The following PIK3AP1 variants were observed in gnomAD, a reference collection of about 807,000 sequenced individuals.
The protein encoded by PIK3AP1 is phosphoinositide 3-kinase adapter protein 1.
A neutral mutation model predicts 88.1 loss-of-function variants in PIK3AP1; 21 were observed. The ratio of observed to expected loss-of-function variants is 0.24; its 90% CI spans 0.17 to 0.34. PIK3AP1 has a LOEUF of 0.34. Ranked by LOEUF, PIK3AP1 falls within the 10% of genes least tolerant of loss-of-function variation. The pLI, the probability that PIK3AP1 is intolerant of heterozygous loss-of-function variation, is 1.00. For missense variants in PIK3AP1, 828 were observed against 1,035.7 expected, an observed-to-expected ratio of 0.80 and a Z score of 2.75; for synonymous variants, 398 against 400.0, an observed-to-expected ratio of 1.00 and a Z score of 0.06.
intron 8 of PIK3AP1, among the ~76,000 whole-genome samples, chr10:96,630,833 C>T (rs2134212457): frequency 6.6e-6 from 1 of 152,116 alleles, no homozygotes; most frequent in South Asian, 2.1e-4. Flanking sequence ...CACAGTGAAA[C>T]CCTGTCTCAA....
At position 96,645,461 on chromosome 10, in the gene PIK3AP1, T is replaced by C. The variant is rs760392936; in HGVS notation, c.1375+12A>G. ...CAGAAAGGTGGAAGCAGAACTGGGTTGTGCTACTTACAGAGGTCTTCAGTG... is the reference window on the plus strand; with the variant it reads ...CAGAAAGGTGGAAGCAGAACTGGGTCGTGCTACTTACAGAGGTCTTCAGTG... On this transcript the variant is annotated intron_variant, in intron 8 of 16. Coordinates refer to ENST00000339364, the MANE Select transcript of PIK3AP1 (RefSeq NM_152309.3). 1 of 1,610,972 alleles carries C rather than the reference T, an allele frequency of 6.2e-7. No individual in the cohort carries two copies. Among genetic ancestry groups the C allele is most frequent in the South Asian group, 1.1e-5 (1 of 90,612 alleles).
At chr10:96,663,892 C>T (rs1030209558) in intron 2 of PIK3AP1, among the ~76,000 whole-genome samples, 3 of 152,130 alleles carry the variant, frequency 2.0e-5, no homozygotes, top group Non-Finnish European at 4.4e-5. Context: ...GCTATTTTAG[C>T]TTTTCAAATT....
chr10:96,630,382 A>G (rs1013577049), intron 8 of PIK3AP1, among the ~76,000 whole-genome samples: 17 of 152,210 alleles, frequency 1.1e-4, no homozygotes, highest in African/African-American at 3.6e-4. Flanking sequence ...CTAATCCTGA[A>G]GCATACCTAG....
chr10:96,692,250 G>A (rs1361256375), intron 2 of PIK3AP1, among the ~76,000 whole-genome samples: 2 of 152,172 alleles, frequency 1.3e-5, no homozygotes, highest in African/African-American at 4.8e-5. Context: ...TTTCAATACA[G>A]CTGTTTTAAA....
rs912085987 is a variant in PIK3AP1 at position 96,691,666 on chromosome 10, A to G, written c.430+17901T>C. On this transcript the variant is annotated intron_variant, in intron 2 of 16. Coordinates refer to ENST00000339364, the MANE Select transcript of PIK3AP1 (RefSeq NM_152309.3). ...AATTTCCCAACTGGTCTACCAATAG[A>G]ATGAATTACAGACGTGCCAGGATAT... Among the ~76,000 whole-genome samples, 10 of 152,286 alleles carry G rather than the reference A, an allele frequency of 6.6e-5. No homozygotes were observed. The South Asian group carries it at 8.3e-4, about 13-fold the overall frequency.
Position 96,633,939 on chromosome 10 carries a change from T to C in PIK3AP1, c.1376-5446A>G, listed in dbSNP as rs549624154. Among the ~76,000 whole-genome samples the C allele has an allele frequency of 3.3e-5, 5 of 152,326 alleles. 1 individual carries two copies. The highest frequency in any genetic ancestry group is 1.2e-4 in the African/African-American group (5 of 41,582). ...CTAGCCAGGTGCATTTTCTTTATCA[T>C]GGCTTCTGGACACTAAGTACTGGCT... On this transcript the variant is annotated intron_variant, in intron 8 of 16. Coordinates refer to ENST00000339364, the MANE Select transcript of PIK3AP1 (RefSeq NM_152309.3).
Position 96,623,488 on chromosome 10 carries a change from T to C in PIK3AP1, c.1719A>G (p.Ser573=). 6.2e-7 allele frequency: 1 copy of C among 1,612,074 alleles called. No individual in the cohort carries two copies. Among genetic ancestry groups the C allele is most frequent in the East Asian group, 2.2e-5 (1 of 44,868 alleles). Residue 573 remains serine, a synonymous_variant, in exon 11 of 17, where the codon TCA becomes TCG. Coordinates refer to ENST00000339364, the MANE Select transcript of PIK3AP1 (RefSeq NM_152309.3). The part of the protein sequence containing the change: ...QERPGNFYVS[S]ESIRKGPPVR... ...ATGGCTTACCTTTCCTGATGCTCTC[T>C]GAGGAAACGTAGAAATTCCCAGGCC...
intron 16 of PIK3AP1, 85 bp from the exon 17 acceptor site, chr10:96,595,719 T>C: frequency 7.5e-7 from 1 of 1,337,998 alleles, no homozygotes; most frequent in South Asian, 1.2e-5. Context: ...GCAAACTTGG[T>C]ATACTATGCA....
chr10:96,607,589 A>G (rs1234667805), intron 14 of PIK3AP1, among the ~76,000 whole-genome samples: 1 of 152,156 alleles, frequency 6.6e-6, no homozygotes, highest in Non-Finnish European at 1.5e-5. Flanking sequence ...GCTTTGGCCA[A>G]TATGGCATTA....
intron 14 of PIK3AP1, among the ~76,000 whole-genome samples, chr10:96,609,410 A>G (rs1564953105): frequency 2.0e-5 from 3 of 152,262 alleles, no homozygotes; most frequent in Non-Finnish European, 2.9e-5. Context: ...TGAGAATTAA[A>G]TTAGATAATC....
At chr10:96,636,115 G>A (rs1004618873) in intron 8 of PIK3AP1, among the ~76,000 whole-genome samples, 1 of 152,074 alleles carries the variant, frequency 6.6e-6, no homozygotes, top group African/African-American at 2.4e-5. Context: ...GCTAAAGAGA[G>A]GATAGGCAGG....
In PIK3AP1 at chr10:96,709,946, G is replaced by A. The variant is rs777981996; in HGVS notation, c.51C>T (p.Ser17=). ...ACTGGCACCATTCCTCGGCATCCGG[G>A]CTGTAGACGATGAGGATGTCGCATC... ...PRGCDILIVY[S]PDAEEWCQYL... is the part of the protein sequence containing the mutation. Residue 17 remains serine, a synonymous_variant, in exon 2 of 17, where the codon AGC becomes AGT. Transcript: ENST00000339364. The A allele has an allele frequency of 1.9e-6, 3 of 1,601,664 alleles. No homozygotes were observed. The South Asian group carries it at 3.3e-5, about 18-fold the overall frequency.
Position 96,645,556 on chromosome 10 carries a change from A to T in PIK3AP1, c.1292T>A (p.Met431Lys). 6.2e-7 allele frequency: 1 copy of T among 1,614,034 alleles called. No individual in the cohort carries two copies. Among genetic ancestry groups the T allele is most frequent in the Non-Finnish European group, 8.5e-7 (1 of 1,179,980 alleles). ...SMAHLSTDLL[M>K]KCSLNPGCDE... Reference sequence around the variant, plus strand: ...ACAGCCGGGGTTGAGCGAGCATTTCATAAGCAGGTCTGTGGAAAGGTGGGC... The same window carrying T: ...ACAGCCGGGGTTGAGCGAGCATTTCTTAAGCAGGTCTGTGGAAAGGTGGGC... Residue 431 changes from methionine (M) to lysine (K), a missense_variant, in exon 8 of 17, where the codon ATG (methionine) becomes AAG (lysine). This residue lies in a region of PIK3AP1 where 610 missense variants were observed against 760.1 expected (regional missense o/e 0.80). Coordinates refer to ENST00000339364, the MANE Select transcript of PIK3AP1 (RefSeq NM_152309.3).
intron 16 of PIK3AP1, among the ~76,000 whole-genome samples, chr10:96,601,738 T>G (rs900995585): frequency 6.6e-6 from 1 of 152,206 alleles, no homozygotes; most frequent in African/African-American, 2.4e-5. Flanking sequence ...TAAAAACAAT[T>G]TTAAAAGTTG....
At chr10:96,614,406 C>T (rs759092014) in intron 13 of PIK3AP1, among the ~76,000 whole-genome samples, 4 of 133,712 alleles carry the variant, frequency 3.0e-5, no homozygotes, top group Non-Finnish European at 6.7e-5. Flanking sequence ...GCTTTTCTGC[C>T]TTCTCTCCTT....
At chr10:96,622,356 T>C (rs770207902) in intron 11 of PIK3AP1, among the ~76,000 whole-genome samples, 2 of 152,198 alleles carry the variant, frequency 1.3e-5, no homozygotes, top group Non-Finnish European at 2.9e-5. Context: ...GCAGCGACCA[T>C]GGGGCCACTG....
rs1336732555 is a variant in PIK3AP1, at chr10:96,656,741, T to C, written c.567+57A>G. 9 of 1,599,080 alleles carry C rather than the reference T, an allele frequency of 5.6e-6. 1 individual carries two copies. Among genetic ancestry groups the C allele is most frequent in the Non-Finnish European group, 7.7e-6 (9 of 1,170,242 alleles). ...CACTCTCTTTACTGCAACAAATGCA[T>C]GCATTTGAAAAGCCCAAGTGCTGAC... On this transcript the variant is annotated intron_variant, in intron 3 of 16. Coordinates refer to ENST00000339364, the MANE Select transcript of PIK3AP1 (RefSeq NM_152309.3).
At chr10:96,717,551 T>C (rs965430320) in intron 1 of PIK3AP1, among the ~76,000 whole-genome samples, 6 of 152,148 alleles carry the variant, frequency 3.9e-5, no homozygotes, top group African/African-American at 1.4e-4. Flanking sequence ...AAGGATCACA[T>C]GGAAGTTAAG....
chr10:96,708,299 G>A (rs1589549957), intron 2 of PIK3AP1, among the ~76,000 whole-genome samples: 2 of 152,138 alleles, frequency 1.3e-5, no homozygotes, highest in South Asian at 4.1e-4. Flanking sequence ...AAGAGGCTAG[G>A]CGTGGTGGCT....
Sources: gnomAD v4.1 joint callset for allele counts (sites outside exome capture counted in the v4.1 genomes callset) on GRCh38, gnomAD v4.1.1 for gene constraint, gnomAD v4.1.1 regional missense constraint, MANE v1.5 for transcripts, NCBI Gene and HGNC (gene_info 2026-07-23, HGNC 2026-07-21) for gene names.